DIAPH2: variants seen among roughly 807,000 people sequenced by gnomAD.
DIAPH2 encodes protein diaphanous homolog 2.
A neutral mutation model predicts 92.7 loss-of-function variants in DIAPH2; 35 were observed. The ratio of observed to expected loss-of-function variants is 0.38; its 90% CI spans 0.29 to 0.50. The LOEUF (loss-of-function observed/expected upper bound fraction) is 0.50. DIAPH2 is among the 20% of genes least tolerant of loss of function. DIAPH2 has a pLI of 0.94. For missense variants in DIAPH2, 701 were observed against 819.5 expected (o/e 0.86, Z 1.77); for synonymous variants, 301 against 280.4 (o/e 1.07, Z -0.73).
intron 4 of DIAPH2, among the ~76,000 whole-genome samples, chrX:96,873,138 A>G (rs1223956838): frequency 9.0e-6 from 1 of 111,485 alleles, no homozygotes; most frequent in Non-Finnish European, 1.9e-5. Flanking sequence ...GGGTGAGATG[A>G]TACCTCATTG....
chrX:96,698,301 T>G (rs1283180548), intron 1 of DIAPH2, among the ~76,000 whole-genome samples: 1 of 112,023 alleles, frequency 8.9e-6, no homozygotes, highest in Non-Finnish European at 1.9e-5. Flanking sequence ...GAAAAATTAA[T>G]GCTATCTCCT....
intron 23 of DIAPH2, among the ~76,000 whole-genome samples, chrX:97,257,956 TTAAAAAAAAA>T (rs1419556652): frequency 1.5e-5 from 1 of 66,361 alleles, no homozygotes; most frequent in Non-Finnish European, 3.5e-5. Flanking sequence ...TGTTCTTTGT[TTAAAAAAAAA>T]AAAAAAAAAA....
intron 20 of DIAPH2, among the ~76,000 whole-genome samples, chrX:97,111,847 C>G (rs999291705): frequency 3.6e-5 from 4 of 112,016 alleles, no homozygotes; most frequent in African/African-American, 1.3e-4. Flanking sequence ...TGATTTTGTG[C>G]AAGTTACTTA....
chrX:96,819,096 T>G (rs1281626390), intron 4 of DIAPH2, among the ~76,000 whole-genome samples: 3 of 112,284 alleles, frequency 2.7e-5, no homozygotes, highest in African/African-American at 9.7e-5. Context: ...GCTCACCTCC[T>G]GCTGTGAGGT....
At chrX:97,280,863 T>A (rs2068491061) in intron 23 of DIAPH2, among the ~76,000 whole-genome samples, 1 of 111,346 alleles carries the variant, frequency 9.0e-6, no homozygotes, top group Admixed American at 9.6e-5. Context: ...TTTCCCCGGG[T>A]CCCTGAGGTA....
At chrX:96,825,414 C>T (rs1166409909) in intron 4 of DIAPH2, among the ~76,000 whole-genome samples, 1 of 93,180 alleles carries the variant, frequency 1.1e-5, no homozygotes, top group Non-Finnish European at 2.1e-5. Flanking sequence ...TAAGTTGATA[C>T]TATGTATATC....
At chrX:97,526,847 C>T (rs745349013) in intron 26 of DIAPH2, among the ~76,000 whole-genome samples, 1 of 111,937 alleles carries the variant, frequency 8.9e-6, no homozygotes, top group African/African-American at 3.2e-5. Flanking sequence ...ATTCTACAAG[C>T]CTTTTTCCCA....
intron 23 of DIAPH2, among the ~76,000 whole-genome samples, chrX:97,283,572 TAC>T (rs770218811): frequency 8.9e-6 from 1 of 112,764 alleles, no homozygotes; most frequent in African/African-American, 3.2e-5. Flanking sequence ...TTCCCATTTC[TAC>T]ACATTTATGC....
At position 96,764,850 on chromosome X, in the gene DIAPH2, G is replaced by A. The variant is rs190646612; in HGVS notation, c.447+6592G>A. ...TATTAAAGTCCTCACTTTGAGGCTA[G>A]GTGGGGTTAAATAACGAGTTTGGGG... is the stretch of plus-strand genomic sequence containing the variant. On this transcript the variant is annotated intron_variant, in intron 4 of 26. Transcript: ENST00000324765. 1.1e-4 allele frequency among the ~76,000 whole-genome samples: 12 copies of A among 111,630 alleles called. No homozygotes were observed. The Admixed American group carries it at 1.1e-3, about 11-fold the overall frequency.
chrX:97,187,281 C>CTTTTT lies in DIAPH2; in HGVS notation c.2719+45506_2719+45510dup, dbSNP rs763781923. The stretch of plus-strand genomic sequence containing the variant: ...AGGGATTGAAGACTAATTAAGTAGC[C>CTTTTT]TTTTTTTTTTTTTTTTTTTTTTTGC... On this transcript the variant is annotated intron_variant, in intron 22 of 26. Coordinates refer to ENST00000324765, the MANE Select transcript of DIAPH2 (RefSeq NM_006729.5). Among the ~76,000 whole-genome samples the CTTTTT allele has an allele frequency of 1.4e-3, 53 of 36,879 alleles. 17 individuals carry two copies. Among genetic ancestry groups the CTTTTT allele is most frequent in the Middle Eastern group, 0.048 (1 of 21 alleles). The allele number at this position is 36,879 out of a possible 115,157, so 32.0% of individuals were successfully genotyped here. A position where few individuals can be genotyped will look rare whatever the true frequency, so the allele number is the denominator to read the frequency against.
chrX:96,952,735 C>G (rs1196022428), intron 15 of DIAPH2, among the ~76,000 whole-genome samples: 2 of 107,543 alleles, frequency 1.9e-5, no homozygotes, highest in East Asian at 5.7e-4. Context: ...AACTCTGTCT[C>G]AAAAATAAAA....
chrX:97,352,202 G>A (rs1478259821), intron 24 of DIAPH2, among the ~76,000 whole-genome samples: 6 of 110,934 alleles, frequency 5.4e-5, no homozygotes, highest in African/African-American at 2.0e-4. Context: ...TTCCAAATGA[G>A]CTCAGAGTTT....
intron 23 of DIAPH2, among the ~76,000 whole-genome samples, chrX:97,273,193 G>T (rs2068405409): frequency 8.9e-6 from 1 of 112,016 alleles, no homozygotes; most frequent in Non-Finnish European, 1.9e-5. Context: ...AAATATCCTT[G>T]TCAACAATAT....
chrX:97,070,875 A>G (rs1373675442), intron 17 of DIAPH2, among the ~76,000 whole-genome samples: 1 of 111,913 alleles, frequency 8.9e-6, no homozygotes, highest in African/African-American at 3.2e-5. Flanking sequence ...GAGAGGCTAG[A>G]CCATATTTTA....
intron 19 of DIAPH2, among the ~76,000 whole-genome samples, chrX:97,088,775 T>G (rs953248541): frequency 1.8e-5 from 2 of 112,356 alleles, no homozygotes; most frequent in Non-Finnish European, 3.8e-5. Context: ...CAATATCAAA[T>G]AAATATTTAC....
At chrX:96,864,318 T>C (rs1373461433) in intron 4 of DIAPH2, among the ~76,000 whole-genome samples, 2 of 104,334 alleles carry the variant, frequency 1.9e-5, no homozygotes, top group Non-Finnish European at 3.9e-5. Flanking sequence ...TTTAACCACA[T>C]GGCTTTCCAG....
At chrX:97,414,930 T>C (rs1385047891) in intron 25 of DIAPH2, among the ~76,000 whole-genome samples, 1 of 111,238 alleles carries the variant, frequency 9.0e-6, no homozygotes, top group African/African-American at 3.3e-5. Context: ...AGCTACAGAA[T>C]GGGAGAAAAT....
chrX:97,519,850 C>T (rs1240856299), intron 26 of DIAPH2, among the ~76,000 whole-genome samples: 1 of 110,811 alleles, frequency 9.0e-6, no homozygotes, highest in East Asian at 2.8e-4. Context: ...CTCAGCCTCC[C>T]GAGTAGCTGG....
intron 26 of DIAPH2, among the ~76,000 whole-genome samples, chrX:97,461,621 G>A (rs1227603932): frequency 9.0e-6 from 1 of 111,224 alleles, no homozygotes; most frequent in Admixed American, 9.6e-5. Flanking sequence ...AGATAAAGCA[G>A]CTTCAATATT....
Sources: allele counts gnomAD v4.1 joint callset (sites outside exome capture counted in the v4.1 genomes callset), GRCh38; gene constraint gnomAD v4.1.1; transcripts MANE v1.5; gene names NCBI Gene and HGNC (gene_info 2026-07-23, HGNC 2026-07-21).